The following SLC4A4 variants were observed in gnomAD, a reference collection of about 807,000 sequenced individuals.
SLC4A4 encodes electrogenic sodium bicarbonate cotransporter 1.
In SLC4A4, 27 loss-of-function variants were observed where a neutral mutation model predicts 111.5. The observed-to-expected ratio is 0.24, with a 90% confidence interval of 0.18 to 0.33. The LOEUF (loss-of-function observed/expected upper bound fraction) is 0.33. SLC4A4 is among the 10% of genes least tolerant of loss of function. SLC4A4 has a pLI of 1.00. For missense variants in SLC4A4, 909 were observed against 1,315.5 expected (o/e 0.69, Z 4.78); for synonymous variants, 443 against 463.4 (o/e 0.96, Z 0.57).
At chr4:71,454,187 T>C (rs1172038179) in intron 12 of SLC4A4, among the ~76,000 whole-genome samples, 1 of 152,234 alleles carries the variant, frequency 6.6e-6, no homozygotes, top group East Asian at 1.9e-4. Context: ...CAGGTGGACC[T>C]GATTCTCATT....
chr4:71,259,051 C>T (rs2149065595), intron 3 of SLC4A4, among the ~76,000 whole-genome samples: 1 of 152,212 alleles, frequency 6.6e-6, no homozygotes. Flanking sequence ...ATCATCAGAG[C>T]CCAGGAGTTT....
At chr4:71,124,985 C>A (rs1743523654) in intron 2 of SLC4A4, among the ~76,000 whole-genome samples, 1 of 152,188 alleles carries the variant, frequency 6.6e-6, no homozygotes, top group South Asian at 2.1e-4. Context: ...GTCAGATGAT[C>A]ATGTATTGCT....
At chr4:71,203,999 A>G (rs1012458534) in intron 1 of SLC4A4, among the ~76,000 whole-genome samples, 1 of 152,206 alleles carries the variant, frequency 6.6e-6, no homozygotes, top group Non-Finnish European at 1.5e-5. Flanking sequence ...CAGAAAAGCC[A>G]TGTTATTAGA....
chr4:71,541,691 G>C (rs1735078841), intron 18 of SLC4A4, among the ~76,000 whole-genome samples: 1 of 151,392 alleles, frequency 6.6e-6, no homozygotes, highest in African/African-American at 2.4e-5. Context: ...ACTCAGTCTG[G>C]CAGCAGTGAG....
chr4:71,227,371 G>A lies in SLC4A4; in HGVS notation c.-1-9205G>A, dbSNP rs548094652. Among the ~76,000 whole-genome samples the A allele has an allele frequency of 2.0e-5, 3 of 152,284 alleles. No individual in the cohort carries two copies. The South Asian group carries it at 6.2e-4, about 32-fold the overall frequency. On this transcript the variant is annotated intron_variant, in intron 1 of 25. Coordinates refer to ENST00000264485, the MANE Select transcript of SLC4A4 (RefSeq NM_001098484.3). The stretch of plus-strand genomic sequence containing the variant: ...AAGAAACACTGAAGGCACTTTAAAA[G>A]GAGAGATACCAAAGTGTGTTTTATA...
chr4:71,564,808 A>T (rs1332251311), intron 24 of SLC4A4, among the ~76,000 whole-genome samples: 1 of 151,950 alleles, frequency 6.6e-6, no homozygotes, highest in East Asian at 1.9e-4. Flanking sequence ...TTGATAAAAA[A>T]TAATGGGTAT....
intron 3 of SLC4A4, among the ~76,000 whole-genome samples, chr4:71,314,019 A>G (rs1385469075): frequency 6.6e-6 from 1 of 152,168 alleles, no homozygotes; most frequent in Non-Finnish European, 1.5e-5. Flanking sequence ...CAATCTATCC[A>G]TCTGACAAAG....
At chr4:71,324,842 A>G (rs918490600) in intron 3 of SLC4A4, among the ~76,000 whole-genome samples, 6 of 151,970 alleles carry the variant, frequency 3.9e-5, no homozygotes, top group Non-Finnish European at 8.8e-5. Context: ...TTTTATCACC[A>G]CTTGCTGGCT....
intron 1 of SLC4A4, among the ~76,000 whole-genome samples, chr4:71,084,123 C>T (rs1387450343): frequency 6.6e-6 from 1 of 151,966 alleles, no homozygotes; most frequent in African/African-American, 2.4e-5. Context: ...CATCTCACTC[C>T]TGCTTCAAAG....
At chr4:71,461,609 A>T (rs1726834576) in intron 12 of SLC4A4, among the ~76,000 whole-genome samples, 1 of 152,202 alleles carries the variant, frequency 6.6e-6, no homozygotes, top group Admixed American at 6.6e-5. Context: ...CAAGTTGCTG[A>T]AAGACATAAA....
At chr4:71,548,608 C>CA (rs1470208774) in intron 20 of SLC4A4, among the ~76,000 whole-genome samples, 2 of 151,906 alleles carry the variant, frequency 1.3e-5, no homozygotes, top group Non-Finnish European at 2.9e-5. Context: ...ATGGACCTAA[C>CA]AGCTATAAAC....
chr4:71,160,709 T>C (rs1744597017), intron 2 of SLC4A4, among the ~76,000 whole-genome samples: 1 of 151,412 alleles, frequency 6.6e-6, no homozygotes, highest in African/African-American at 2.4e-5. Flanking sequence ...TAAGCAAACA[T>C]TGGTCTAAGA....
intron 16 of SLC4A4, among the ~76,000 whole-genome samples, chr4:71,500,388 G>T (rs1273934567): frequency 6.6e-6 from 1 of 152,098 alleles, no homozygotes; most frequent in African/African-American, 2.4e-5. Flanking sequence ...AATAATCTTT[G>T]CCCAGACTAA....
intron 3 of SLC4A4, among the ~76,000 whole-genome samples, chr4:71,275,145 C>G (rs1722980111): frequency 6.6e-6 from 1 of 152,120 alleles, no homozygotes; most frequent in Non-Finnish European, 1.5e-5. Flanking sequence ...CAGGAGTGAA[C>G]CCAAAGGACT....
At chr4:71,473,598 A>G (rs1242879382) in intron 14 of SLC4A4, among the ~76,000 whole-genome samples, 1 of 151,888 alleles carries the variant, frequency 6.6e-6, no homozygotes, top group Non-Finnish European at 1.5e-5. Flanking sequence ...ATCCAGAAGG[A>G]CATAACAGCA....
At chr4:71,463,969 A>T (rs1285993112) in intron 12 of SLC4A4, among the ~76,000 whole-genome samples, 1 of 152,194 alleles carries the variant, frequency 6.6e-6, no homozygotes, top group Non-Finnish European at 1.5e-5. Flanking sequence ...TTTGATCCAT[A>T]GTAGTGATAA....
chr4:71,073,804 G>A (rs1047418766), intron 1 of SLC4A4, among the ~76,000 whole-genome samples: 5 of 152,126 alleles, frequency 3.3e-5, no homozygotes, highest in African/African-American at 1.2e-4. Flanking sequence ...AGAAAAGGCC[G>A]GGTGCGGTGG....
At chr4:71,331,517 T>C (rs1363236878) in intron 3 of SLC4A4, among the ~76,000 whole-genome samples, 2 of 135,826 alleles carry the variant, frequency 1.5e-5, no homozygotes, top group Non-Finnish European at 3.0e-5. Flanking sequence ...CACTCACAGG[T>C]GGGAATTGAA....
At chr4:71,562,465 T>C (rs928096690) in intron 23 of SLC4A4, among the ~76,000 whole-genome samples, 10 of 151,850 alleles carry the variant, frequency 6.6e-5, no homozygotes, top group Non-Finnish European at 1.5e-4. Context: ...GTGAAAATTA[T>C]AGCTCTTCTT....
Sources: gnomAD v4.1 joint callset for allele counts (sites outside exome capture counted in the v4.1 genomes callset) on GRCh38, gnomAD v4.1.1 for gene constraint, MANE v1.5 for transcripts, NCBI Gene and HGNC (gene_info 2026-07-23, HGNC 2026-07-21) for gene names.